HNF4G: variants seen among roughly 807,000 people sequenced by gnomAD.
HNF4G encodes hepatocyte nuclear factor 4 gamma.
Under a neutral mutation model 50.9 loss-of-function variants are expected in HNF4G, and 21 were observed. The ratio of observed to expected loss-of-function variants is 0.41; its 90% CI spans 0.29 to 0.59. The LOEUF is 0.59. HNF4G is among the 20% of genes least tolerant of loss of function. HNF4G has a pLI of 0.26. For synonymous variants in HNF4G, 198 were observed against 185.6 expected (o/e 1.07, Z -0.54); for missense variants, 527 against 559.4 (o/e 0.94, Z 0.58).
chr8:75,556,429 T>G (rs1173038991), intron 6 of HNF4G, among the ~76,000 whole-genome samples: 1 of 152,210 alleles, frequency 6.6e-6, no homozygotes, highest in African/African-American at 2.4e-5. Context: ...AGTCTGCTTT[T>G]TATTTTACAC....
rs539155096 is a variant in HNF4G at position 75,410,481 on chromosome 8, A to C, written c.-144+2319A>C. ...TGGGAATGGAATTAAATACACTTGA[A>C]TATACCATCTTATTCTGAGCTTGTA... On this transcript the variant is annotated intron_variant, in intron 1 of 10. Coordinates refer to the HNF4G transcript ENST00000354370. Among the ~76,000 whole-genome samples the C allele has an allele frequency of 7.2e-5, 11 of 152,338 alleles. No homozygotes were observed. In the South Asian group the frequency reaches 1.7e-3, roughly 23 times the overall value.
chr8:75,498,065 A>C (rs1392405365), intron 2 of HNF4G, among the ~76,000 whole-genome samples: 1 of 152,150 alleles, frequency 6.6e-6, no homozygotes, highest in Non-Finnish European at 1.5e-5. Context: ...CACAAGACAA[A>C]AAAAAGATAT....
At chr8:75,407,699 A>C (rs984865734), upstream of HNF4G, among the ~76,000 whole-genome samples, 5 of 152,188 alleles carry the variant, frequency 3.3e-5, no homozygotes, top group African/African-American at 4.8e-5. Flanking sequence ...ATATTCTCCC[A>C]GCATATGGTC....
intron 1 of HNF4G, among the ~76,000 whole-genome samples, chr8:75,457,358 G>T (rs1406034610): frequency 2.0e-5 from 3 of 152,162 alleles, no homozygotes; most frequent in African/African-American, 7.2e-5. Flanking sequence ...TGACTTGTCA[G>T]GTGGCTTTAT....
chr8:75,410,495 T>A (rs1810475581), intron 1 of HNF4G, among the ~76,000 whole-genome samples: 2 of 152,184 alleles, frequency 1.3e-5, no homozygotes, highest in Non-Finnish European at 2.9e-5. Flanking sequence ...ACCATCTTAT[T>A]CTGAGCTTGT....
At chr8:75,522,751 C>A (rs1466837652) in intron 2 of HNF4G, among the ~76,000 whole-genome samples, 1 of 152,064 alleles carries the variant, frequency 6.6e-6, no homozygotes, top group Non-Finnish European at 1.5e-5. Flanking sequence ...ACTGATGTAG[C>A]CGCCTGATGA....
intron 2 of HNF4G, among the ~76,000 whole-genome samples, chr8:75,513,813 G>A (rs1012224545): frequency 5.9e-5 from 9 of 151,338 alleles, no homozygotes; most frequent in South Asian, 2.1e-4. Context: ...AAAGCAAGTG[G>A]ACTTTTTATT....
chr8:75,528,891 G>T (rs1200153049), intron 2 of HNF4G, among the ~76,000 whole-genome samples: 1 of 152,154 alleles, frequency 6.6e-6, no homozygotes, highest in African/African-American at 2.4e-5. Context: ...AGTTCCGCGT[G>T]GCTGGGGAGG....
At chr8:75,542,535 G>GAAAAA (rs71567128) in intron 1 of HNF4G, among the ~76,000 whole-genome samples, 3 of 80,522 alleles carry the variant, frequency 3.7e-5, no homozygotes, top group African/African-American at 8.6e-5. Flanking sequence ...CAATGACGAC[G>GAAAAA]AAAAAAAAAA....
chr8:75,532,283 T>C (rs1164614448), intron 2 of HNF4G, among the ~76,000 whole-genome samples: 1 of 152,068 alleles, frequency 6.6e-6, no homozygotes, highest in African/African-American at 2.4e-5. Flanking sequence ...GTTATTTTCA[T>C]ATCATTTTCG....
chr8:75,443,705 G>C (rs1054155376), intron 1 of HNF4G, among the ~76,000 whole-genome samples: 2 of 152,030 alleles, frequency 1.3e-5, no homozygotes, highest in East Asian at 3.9e-4. Context: ...TGATATATAT[G>C]GCATGTGATT....
chr8:75,432,115 G>A (rs1363272829), intron 1 of HNF4G, among the ~76,000 whole-genome samples: 2 of 151,670 alleles, frequency 1.3e-5, no homozygotes, highest in Non-Finnish European at 2.9e-5. Flanking sequence ...TTAGCCAGGC[G>A]TCATGATGTG....
chr8:75,526,357 T>C (rs1806180637), intron 2 of HNF4G, among the ~76,000 whole-genome samples: 1 of 152,008 alleles, frequency 6.6e-6, no homozygotes, highest in African/African-American at 2.4e-5. Context: ...AACCTCTAAA[T>C]CAATACGTGG....
intron 3 of HNF4G, among the ~76,000 whole-genome samples, chr8:75,550,472 C>T (rs1806917163): frequency 6.6e-6 from 1 of 152,018 alleles, no homozygotes; most frequent in Non-Finnish European, 1.5e-5. Context: ...GCCACCACGC[C>T]TGGCTAATTT....
chr8:75,563,886 C>A, intron 9 of HNF4G, 89 bp from the exon 10 acceptor site: 2 of 1,387,594 alleles, frequency 1.4e-6, no homozygotes, highest in Non-Finnish European at 9.9e-7. Context: ...TTCCAAATTA[C>A]GCTAATGTGT....
rs773478439 is a variant in HNF4G, at chr8:75,547,665, G to A, written c.366G>A (p.Ala122=). 1 of 1,595,810 alleles carries A rather than the reference G, an allele frequency of 6.3e-7. No individual in the cohort carries two copies. The highest frequency in any genetic ancestry group is 2.2e-5 in the East Asian group (1 of 44,706). ...GTCGATTAAGAAAGTGTTTTAGAGC[G>A]GGAATGAAAAAAGAAGGTAATAATA... ...RYCRLRKCFR[A]GMKKEAVQNE... Residue 122 remains alanine, a synonymous_variant, in exon 3 of 10, where the codon GCG becomes GCA. Coordinates refer to ENST00000396423, the MANE Select transcript of HNF4G (RefSeq NM_004133.5).
intron 1 of HNF4G, among the ~76,000 whole-genome samples, chr8:75,467,262 G>A (rs1339742270): frequency 2.0e-5 from 3 of 152,106 alleles, no homozygotes; most frequent in East Asian, 3.9e-4. Flanking sequence ...AAACATTTTA[G>A]CAACACATTC....
At chr8:75,541,906 A>G (rs919382046) in intron 1 of HNF4G, among the ~76,000 whole-genome samples, 8 of 152,262 alleles carry the variant, frequency 5.3e-5, no homozygotes, top group African/African-American at 1.4e-4. Flanking sequence ...TTCTCTACCA[A>G]CATGGGGCTT....
chr8:75,505,556 T>C (rs1190297274), intron 2 of HNF4G, among the ~76,000 whole-genome samples: 1 of 152,126 alleles, frequency 6.6e-6, no homozygotes, highest in Non-Finnish European at 1.5e-5. Flanking sequence ...ATGAACAAAG[T>C]TAAAGCAAAA....
Sources: allele counts gnomAD v4.1 joint callset (sites outside exome capture counted in the v4.1 genomes callset), GRCh38; gene constraint gnomAD v4.1.1; transcripts MANE v1.5; gene names NCBI Gene and HGNC (gene_info 2026-07-23, HGNC 2026-07-21).